The following SLC24A3 variants were observed in gnomAD, a reference collection of about 807,000 sequenced individuals.
SLC24A3 encodes the protein sodium/potassium/calcium exchanger 3.
In SLC24A3, 28 loss-of-function variants were observed where a neutral mutation model predicts 75.8. The ratio of observed to expected loss-of-function variants is 0.37; its 90% CI spans 0.27 to 0.51. The LOEUF (loss-of-function observed/expected upper bound fraction) is 0.51, where lower values mean the gene tolerates loss of function less well. Ranked by LOEUF, SLC24A3 falls within the 20% of genes least tolerant of loss-of-function variation. The pLI, the probability that SLC24A3 is intolerant of heterozygous loss-of-function variation, is 0.94. For missense variants in SLC24A3, 663 were observed against 847.8 expected, an observed-to-expected ratio of 0.78 and a Z score of 2.71; for synonymous variants, 372 against 334.1, an observed-to-expected ratio of 1.11 and a Z score of -1.24.
intron 1 of SLC24A3, among the ~76,000 whole-genome samples, chr20:19,276,164 C>T (rs1482151780): frequency 6.6e-6 from 1 of 152,160 alleles, no homozygotes; most frequent in Non-Finnish European, 1.5e-5. Context: ...CCAAGCCTTC[C>T]CAGCTGCCCA....
chr20:19,366,959 A>G (rs754025910), intron 2 of SLC24A3, among the ~76,000 whole-genome samples: 31 of 152,154 alleles, frequency 2.0e-4, no homozygotes, highest in Admixed American at 7.9e-4. Flanking sequence ...AGTGCTCTCT[A>G]CTTTGAAACA....
chr20:19,469,150 T>C (rs77522790), intron 2 of SLC24A3, among the ~76,000 whole-genome samples: 38 of 152,156 alleles, frequency 2.5e-4, no homozygotes, highest in Non-Finnish European at 4.9e-4. Flanking sequence ...TCACCATGAT[T>C]GTGACAGAAG....
intron 2 of SLC24A3, among the ~76,000 whole-genome samples, chr20:19,415,857 G>A (rs988861756): frequency 6.6e-6 from 1 of 150,928 alleles, no homozygotes; most frequent in African/African-American, 2.4e-5. Context: ...TAAATTAAAT[G>A]TCTTAAATTA....
At chr20:19,465,607 G>A (rs1312017085) in intron 2 of SLC24A3, among the ~76,000 whole-genome samples, 1 of 152,106 alleles carries the variant, frequency 6.6e-6, no homozygotes, top group Non-Finnish European at 1.5e-5. Flanking sequence ...GAGTCTGGGG[G>A]CTTCCGGGAA....
At chr20:19,244,426 A>G (rs1982425271) in intron 1 of SLC24A3, 1 of 152,322 alleles carries the variant, frequency 6.6e-6, no homozygotes, top group African/African-American at 2.4e-5. Context: ...CAGACACGGC[A>G]TCTGAGGAAT....
rs377630048 is a variant in SLC24A3, at chr20:19,579,622, T to C, written c.349-378T>C. On this transcript the variant is annotated intron_variant, in intron 3 of 16. Transcript: ENST00000328041. ...GGAAAAACCAAAGAGATAAATGACA[T>C]AGAGAGAAATGGGAGCGGGGGAAAG... 6.6e-5 allele frequency among the ~76,000 whole-genome samples: 10 copies of C among 152,134 alleles called. 2 individuals are homozygous for C.
chr20:19,547,362 G>T (rs1175135154), intron 3 of SLC24A3, among the ~76,000 whole-genome samples: 1 of 152,180 alleles, frequency 6.6e-6, no homozygotes, highest in Non-Finnish European at 1.5e-5. Context: ...CTAATCATTG[G>T]TGACCTGAAG....
chr20:19,509,168 T>A (rs1194828118), intron 2 of SLC24A3, among the ~76,000 whole-genome samples: 1 of 152,232 alleles, frequency 6.6e-6, no homozygotes, highest in African/African-American at 2.4e-5. Flanking sequence ...CACACCCATC[T>A]ACAGATGAAG....
intron 3 of SLC24A3, among the ~76,000 whole-genome samples, chr20:19,517,890 G>A (rs754655661): frequency 5.3e-5 from 8 of 152,148 alleles, no homozygotes; most frequent in Admixed American, 6.5e-5. Context: ...ACAAATGTTC[G>A]GGTGGACCTG....
intron 2 of SLC24A3, among the ~76,000 whole-genome samples, chr20:19,345,799 G>A (rs545971574): frequency 3.7e-4 from 56 of 151,910 alleles, no homozygotes; most frequent in Middle Eastern, 3.4e-3. Context: ...AGACGTTGGC[G>A]TGGATGTAGT....
In SLC24A3 at chr20:19,448,573, T is replaced by A. The variant is rs2179602; in HGVS notation, c.272-66915T>A. ...CTCCCCAGAAGTAGTCTTGAGTGGT[T>A]TCCCTAGTCAACATTGTATCCCAGT... On this transcript the variant is annotated intron_variant, in intron 2 of 16. Coordinates refer to ENST00000328041, the MANE Select transcript of SLC24A3 (RefSeq NM_020689.4). Among the ~76,000 whole-genome samples the A allele has an allele frequency of 0.02, 3,007 of 152,282 alleles. 302 individuals are homozygous for A. The East Asian group carries it at 0.32, about 16-fold the overall frequency.
intron 16 of SLC24A3, among the ~76,000 whole-genome samples, chr20:19,719,161 T>C (rs1334885905): frequency 2.0e-5 from 3 of 151,804 alleles, no homozygotes; most frequent in Admixed American, 6.6e-5. Context: ...TGCAAAACCA[T>C]TGGTGCTAAT....
chr20:19,247,328 T>G (rs1332778200), intron 1 of SLC24A3, among the ~76,000 whole-genome samples: 1 of 152,202 alleles, frequency 6.6e-6, no homozygotes, highest in Non-Finnish European at 1.5e-5. Context: ...GAAAGTTACT[T>G]GTAACCCCAG....
intron 2 of SLC24A3, among the ~76,000 whole-genome samples, chr20:19,488,794 AC>A (rs1210198800): frequency 6.6e-6 from 1 of 152,168 alleles, no homozygotes; most frequent in Non-Finnish European, 1.5e-5. Context: ...CACCTTCTAC[AC>A]AGGCCCTGAG....
intron 12 of SLC24A3, among the ~76,000 whole-genome samples, chr20:19,692,675 A>G (rs544552532): frequency 2.6e-5 from 4 of 152,306 alleles, no homozygotes; most frequent in African/African-American, 7.2e-5. Flanking sequence ...GGAAATATGT[A>G]TGCATATTTA....
chr20:19,359,460 C>A (rs976504485), intron 2 of SLC24A3, among the ~76,000 whole-genome samples: 11 of 152,204 alleles, frequency 7.2e-5, no homozygotes, highest in African/African-American at 2.7e-4. Context: ...CCCATGTCAT[C>A]TGGGTGCAGA....
intron 6 of SLC24A3, among the ~76,000 whole-genome samples, chr20:19,646,814 G>T (rs761519546): frequency 3.3e-5 from 5 of 149,634 alleles, no homozygotes; most frequent in African/African-American, 1.3e-4. Context: ...AAATGTGATC[G>T]GGTTGTACTT....
At chr20:19,663,735 C>A (rs914533518) in intron 7 of SLC24A3, among the ~76,000 whole-genome samples, 1 of 151,966 alleles carries the variant, frequency 6.6e-6, no homozygotes, top group Non-Finnish European at 1.5e-5. Context: ...GACCTAATTG[C>A]ATATTTTGTC....
intron 2 of SLC24A3, among the ~76,000 whole-genome samples, chr20:19,323,200 C>G (rs545263573): frequency 8.4e-4 from 103 of 122,620 alleles, no homozygotes; most frequent in African/African-American, 3.7e-3. Context: ...AGCGAGACTC[C>G]GTCTCAAAAA....
Sources: gnomAD v4.1 joint callset for allele counts (sites outside exome capture counted in the v4.1 genomes callset) on GRCh38, gnomAD v4.1.1 for gene constraint, MANE v1.5 for transcripts, NCBI Gene and HGNC (gene_info 2026-07-23, HGNC 2026-07-21) for gene names.